ZNF605: variants seen among roughly 807,000 people sequenced by gnomAD.
The protein encoded by ZNF605 is zinc finger protein 605.
A neutral mutation model predicts 7.9 loss-of-function variants in ZNF605; 9 were observed. The observed-to-expected ratio is 1.14, with a 90% CI of 0.68 to 1.98. The LOEUF is 1.98. Among genes scored for constraint, ZNF605 ranks in the 30% most tolerant of loss-of-function variants. The pLI is 0.00. For synonymous variants in ZNF605, 255 were observed against 260.1 expected (o/e 0.98, Z 0.19); for missense variants, 673 against 762.4 (o/e 0.88, Z 1.38).
Position 132,945,751 on chromosome 12 carries a change from C to T in ZNF605, c.-116G>A. ...GAATACATCCTTGGTCTTGTGGGCT[C>T]TTCTTTCTTATCTCACATGAATTGT... On this transcript the variant is annotated 5_prime_UTR_variant, in exon 3 of 5. Transcript: ENST00000360187. 6.9e-7 allele frequency: 1 copy of T among 1,445,908 alleles called. No homozygotes were observed. The highest frequency in any genetic ancestry group is 1.1e-5 in the South Asian group (1 of 87,550). The allele number at this position is 1,445,908 out of a possible 1,614,324, so 89.6% of individuals were successfully genotyped here.
chr12:132,928,096 A>G (rs1952266770), intron 4 of ZNF605, among the ~76,000 whole-genome samples: 1 of 151,468 alleles, frequency 6.6e-6, no homozygotes, highest in African/African-American at 2.4e-5. Flanking sequence ...ATTATCTACT[A>G]TGTGTCCAGA....
intron 3 of ZNF605, among the ~76,000 whole-genome samples, chr12:132,939,862 G>A (rs1312721983): frequency 4.9e-5 from 7 of 141,422 alleles, no homozygotes; most frequent in East Asian, 2.1e-4. Flanking sequence ...GCGAGACCAC[G>A]AGCCCACCGG....
chr12:132,945,709 A>G lies in ZNF605; in HGVS notation c.-74T>C. On this transcript the variant is annotated 5_prime_UTR_variant, in exon 3 of 5. It removes the in-frame stop codon of an upstream open reading frame in the 5' UTR. Transcript: ENST00000360187. The stretch of plus-strand genomic sequence containing the variant: ...TGACACCCTGGAGTGGCCTCTGGTC[A>G]GTGGTCTGTAAACTGAGAATACATC... 1.2e-6 allele frequency: 2 copies of G among 1,608,178 alleles called. No individual in the cohort carries two copies. Among genetic ancestry groups the G allele is most frequent in the Non-Finnish European group, 1.7e-6 (2 of 1,174,504 alleles).
intron 4 of ZNF605, among the ~76,000 whole-genome samples, chr12:132,930,638 A>G (rs1334204051): frequency 6.6e-6 from 1 of 152,236 alleles, no homozygotes; most frequent in African/African-American, 2.4e-5. Context: ...ATGTTCAAAT[A>G]CTGCATCACT....
intron 3 of ZNF605, among the ~76,000 whole-genome samples, chr12:132,937,525 A>G (rs1258240926): frequency 6.6e-6 from 1 of 152,124 alleles, no homozygotes; most frequent in Non-Finnish European, 1.5e-5. Context: ...AGACACACAC[A>G]CACACACACA....
At chr12:132,953,453 A>T (rs1952594313) in intron 1 of ZNF605, among the ~76,000 whole-genome samples, 1 of 152,144 alleles carries the variant, frequency 6.6e-6, no homozygotes. Context: ...TTTAAGATGG[A>T]GTCTCACTCT....
Position 132,945,611 on chromosome 12 carries a change from G to A in ZNF605, c.15+10C>T, listed in dbSNP as rs1455632806. 4 of 1,613,228 alleles carry A rather than the reference G, an allele frequency of 2.5e-6. No individual in the cohort carries two copies. The highest frequency in any genetic ancestry group is 1.3e-5 in the African/African-American group (1 of 74,750). On this transcript the variant is annotated intron_variant, in intron 3 of 4. Coordinates refer to ENST00000360187, the MANE Select transcript of ZNF605 (RefSeq NM_183238.4). ...ATTTTCATGAAACAGAGGATAAACC[G>A]ATAACCCACCTGTGACTGGATCATT...
chr12:132,945,986 C>T (rs1049234004), intron 2 of ZNF605, among the ~76,000 whole-genome samples, 189 bp from the exon 3 acceptor site: 164 of 152,228 alleles, frequency 1.1e-3, no homozygotes, highest in African/African-American at 3.9e-3. Flanking sequence ...TCGGGTCTGA[C>T]CTGCATCTAG....
chr12:132,928,186 T>C (rs1414315793), intron 4 of ZNF605, among the ~76,000 whole-genome samples: 1 of 152,220 alleles, frequency 6.6e-6, no homozygotes, highest in East Asian at 1.9e-4. Flanking sequence ...AATGCAACAT[T>C]AGTATATATT....
intron 1 of ZNF605, among the ~76,000 whole-genome samples, chr12:132,950,622 A>G (rs1041452990): frequency 9.2e-5 from 14 of 151,672 alleles, no homozygotes; most frequent in African/African-American, 3.4e-4. Flanking sequence ...AGACAGGCAT[A>G]CACAGACACC....
chr12:132,945,809 G>T lies in ZNF605; in HGVS notation c.-162-12C>A. ...CAGAGGGCTATTGCCTGTGGATGCA[G>T]TGGACATTTTATTTTAGATGATCTA... On this transcript the variant is annotated splice_polypyrimidine_tract_variant and intron_variant, in intron 2 of 4. Coordinates refer to ENST00000360187, the MANE Select transcript of ZNF605 (RefSeq NM_183238.4). 2.3e-6 allele frequency: 2 copies of T among 863,864 alleles called. No homozygotes were observed. The highest frequency in any genetic ancestry group is 3.8e-6 in the Non-Finnish European group (2 of 527,444). 53.5% of individuals were successfully genotyped at this position (863,864 alleles called of 1,614,324 possible).
At chr12:132,948,349 C>A (rs998873963) in intron 1 of ZNF605, 79 bp from the exon 2 acceptor site, 2 of 152,260 alleles carry the variant, frequency 1.3e-5, no homozygotes, top group Non-Finnish European at 2.9e-5. Flanking sequence ...ACGTAGCAAT[C>A]CTGCCAAGCA....
intron 1 of ZNF605, among the ~76,000 whole-genome samples, chr12:132,949,175 GT>G (rs1952530951): frequency 6.6e-6 from 1 of 152,162 alleles, no homozygotes; most frequent in Non-Finnish European, 1.5e-5. Context: ...CATAAACACT[GT>G]GTTCAAGGAG....
At chr12:132,931,803 A>G (rs1054680337) in intron 4 of ZNF605, among the ~76,000 whole-genome samples, 2 of 152,208 alleles carry the variant, frequency 1.3e-5, no homozygotes, top group African/African-American at 4.8e-5. Flanking sequence ...GGTATGAGAG[A>G]GAAGCTTTAG....
At position 132,920,381 on chromosome 12, in the gene ZNF605, CA is replaced by C. The variant is rs1566226225; in HGVS notation, c.*4991del. ...GTCTCGATCTCCTGACCTCGTGATC[CA>C]CCCGCCTTGGCCTCCCAAAGTGCTG... On this transcript the variant is annotated 3_prime_UTR_variant, in exon 5 of 5. Coordinates refer to ENST00000360187, the MANE Select transcript of ZNF605 (RefSeq NM_183238.4). 6.7e-6 allele frequency: 1 copy of C among 149,980 alleles called. No homozygotes were observed. The highest frequency in any genetic ancestry group is 1.5e-5 in the Non-Finnish European group (1 of 67,472). 9.3% of individuals were successfully genotyped at this position (149,980 alleles called of 1,614,324 possible). A position where few individuals can be genotyped will look rare whatever the true frequency, so the allele number is the denominator to read the frequency against.
rs1232642290 is a variant in ZNF605 at position 132,926,479 on chromosome 12, T to C, written c.820A>G (p.Thr274Ala). ...CTGTAGGGTTTCTCTATTGTGTGCG[T>C]TATCTGATGTCTTTTAAGCTGCGAC... ...RKSQLKRHQI[T>A]HTIEKPYSCS... Residue 274 changes from threonine (T) to alanine (A), a missense_variant, in exon 5 of 5, where the codon ACG (threonine) becomes GCG (alanine). Thr to Ala is a moderately conservative substitution (Grantham distance 58). Transcript: ENST00000360187. 6.2e-7 allele frequency: 1 copy of C among 1,614,080 alleles called. No individual in the cohort carries two copies. Among genetic ancestry groups the C allele is most frequent in the African/African-American group, 1.3e-5 (1 of 74,924 alleles).
intron 3 of ZNF605, among the ~76,000 whole-genome samples, chr12:132,939,047 G>T (rs1170889938): frequency 6.6e-6 from 1 of 151,472 alleles, no homozygotes. Context: ...CCACTCCATG[G>T]GCTCCCATGC....
In ZNF605 at chr12:132,923,742, G is replaced by A. The variant is rs2316496; in HGVS notation, c.*1631C>T. The A allele has an allele frequency of 0.18, 27,316 of 152,072 alleles. 2,590 individuals carry two copies. Among genetic ancestry groups the A allele is most frequent in the Non-Finnish European group, 0.2 (13,588 of 67,944 alleles). 9.4% of individuals were successfully genotyped at this position (152,072 alleles called of 1,614,324 possible). ...GGGGGTATTGTTTTCACCAGATTTG[G>A]AAAATCTTTAGCCATTATTTATTCA... On this transcript the variant is annotated 3_prime_UTR_variant, in exon 5 of 5. Transcript: ENST00000360187.
chr12:132,942,335 G>A (rs1422985019), intron 3 of ZNF605, among the ~76,000 whole-genome samples: 10 of 152,274 alleles, frequency 6.6e-5, no homozygotes, highest in South Asian at 2.1e-4. Context: ...GACTTGGACC[G>A]TCTGCTGAGC....
Sources: allele counts gnomAD v4.1 joint callset (sites outside exome capture counted in the v4.1 genomes callset), GRCh38; gene constraint gnomAD v4.1.1; transcripts MANE v1.5; gene names NCBI Gene and HGNC (gene_info 2026-07-23, HGNC 2026-07-21).